The following ELMOD1 variants were observed in gnomAD, a reference collection of about 807,000 sequenced individuals.
The protein encoded by ELMOD1 is ELMO domain-containing protein 1.
In ELMOD1, 21 loss-of-function variants were observed where a neutral mutation model predicts 46.7. That is an observed-to-expected ratio of 0.45 (90% CI 0.32 to 0.65). The LOEUF is 0.65. Among genes scored for constraint, ELMOD1 ranks in the 30% least tolerant of loss-of-function variants. ELMOD1 has a pLI of 0.04. For missense variants in ELMOD1, 348 were observed against 407.8 expected (o/e 0.85, Z 1.26); for synonymous variants, 122 against 138.2 (o/e 0.88, Z 0.82).
intron 11 of ELMOD1, among the ~76,000 whole-genome samples, chr11:107,663,046 A>C (rs957610449): frequency 2.0e-5 from 3 of 152,052 alleles, no homozygotes; most frequent in African/African-American, 7.2e-5. Context: ...AGCTTTTAAG[A>C]ATCAGGTTCC....
intron 2 of ELMOD1, among the ~76,000 whole-genome samples, chr11:107,624,278 T>C (rs1866003880): frequency 6.6e-6 from 1 of 152,238 alleles, no homozygotes. Flanking sequence ...TAATGTGTTA[T>C]AATGTGTTCA....
chr11:107,630,392 G>A, intron 2 of ELMOD1, 25 bp from the exon 3 acceptor site: 1 of 1,572,320 alleles, frequency 6.4e-7, no homozygotes. Context: ...TCTATTGGAA[G>A]GGTGCTGTGT....
chr11:107,643,388 A>C, intron 6 of ELMOD1: 1 of 219,414 alleles, frequency 4.6e-6, no homozygotes, highest in South Asian at 6.6e-5. Context: ...AAAAAAAAGC[A>C]TGTGAAAATA....
intron 1 of ELMOD1, among the ~76,000 whole-genome samples, chr11:107,594,113 A>T (rs906532917): frequency 6.6e-6 from 1 of 151,870 alleles, no homozygotes; most frequent in Non-Finnish European, 1.5e-5. Flanking sequence ...CTGTGCCAGT[A>T]GTGTGTGTTT....
chr11:107,660,778 G>C lies in ELMOD1; in HGVS notation c.833-4247G>C, dbSNP rs148115349. On this transcript the variant is annotated intron_variant, in intron 11 of 11. Coordinates refer to ENST00000265840, the MANE Select transcript of ELMOD1 (RefSeq NM_018712.4). The stretch of plus-strand genomic sequence containing the variant: ...GCAATGAGATGGTGGAAAATAGCCT[G>C]GCCTCTGTTTTCTCCCTCTCCTTTC... Among the ~76,000 whole-genome samples, 931 of 152,336 alleles carry C rather than the reference G, an allele frequency of 6.1e-3. 18 individuals carry two copies. Among genetic ancestry groups the C allele is most frequent in the Admixed American group, 0.033 (511 of 15,300 alleles).
At chr11:107,631,812 A>G in intron 5 of ELMOD1, 135 bp downstream of exon 5, 1 of 514,222 alleles carries the variant, frequency 1.9e-6, no homozygotes, top group South Asian at 4.2e-5. Context: ...TGACTTTCAG[A>G]TGAGGAATAA....
At chr11:107,592,586 C>T (rs1591092478) in intron 1 of ELMOD1, 1 of 272,334 alleles carries the variant, frequency 3.7e-6, no homozygotes, top group East Asian at 8.9e-5. Context: ...GTCATTCCCT[C>T]CCCCAGAAGT....
chr11:107,600,119 A>G lies in ELMOD1; in HGVS notation c.-86+8710A>G, dbSNP rs549666348. Among the ~76,000 whole-genome samples the G allele has an allele frequency of 1.7e-4, 26 of 152,300 alleles. No individual in the cohort carries two copies. The South Asian group carries it at 2.7e-3, about 16-fold the overall frequency. On this transcript the variant is annotated intron_variant, in intron 1 of 11. Transcript: ENST00000265840. ...TGAATCCCAGTAATTAAAAATCATC[A>G]AATCATGACCAATGCTGTTTGATCT...
intron 11 of ELMOD1, among the ~76,000 whole-genome samples, chr11:107,662,234 C>T (rs1030696502): frequency 1.3e-5 from 2 of 152,202 alleles, no homozygotes; most frequent in African/African-American, 4.8e-5. Context: ...GCCTCAAACT[C>T]CTGGGCTCAA....
At chr11:107,631,996 T>C (rs1209587465) in intron 5 of ELMOD1, among the ~76,000 whole-genome samples, 1 of 152,214 alleles carries the variant, frequency 6.6e-6, no homozygotes, top group Non-Finnish European at 1.5e-5. Context: ...ACGCTAACAG[T>C]AAATGTTCAA....
intron 1 of ELMOD1, among the ~76,000 whole-genome samples, chr11:107,609,950 T>C (rs912619194): frequency 1.3e-5 from 2 of 152,186 alleles, no homozygotes; most frequent in Non-Finnish European, 2.9e-5. Flanking sequence ...TTTCTTCCAA[T>C]TGGGAGATTT....
chr11:107,627,795 G>C (rs977563934), intron 2 of ELMOD1, among the ~76,000 whole-genome samples: 1 of 152,134 alleles, frequency 6.6e-6, no homozygotes, highest in East Asian at 1.9e-4. Flanking sequence ...CATAAGGGTC[G>C]TCCTCTTCTC....
At chr11:107,624,416 T>C (rs1184000427) in intron 2 of ELMOD1, among the ~76,000 whole-genome samples, 1 of 152,280 alleles carries the variant, frequency 6.6e-6, no homozygotes, top group East Asian at 1.9e-4. Context: ...TTTGGGAGGC[T>C]GAGGCAGGCA....
intron 2 of ELMOD1, chr11:107,625,585 T>C (rs1866027629): frequency 1.0e-6 from 1 of 984,952 alleles, no homozygotes; most frequent in Non-Finnish European, 1.2e-6. Flanking sequence ...TTTAGGCGCA[T>C]TTCCTGTTTT....
intron 1 of ELMOD1, among the ~76,000 whole-genome samples, chr11:107,595,923 A>G (rs1865485437): frequency 6.6e-6 from 1 of 152,130 alleles, no homozygotes; most frequent in Admixed American, 6.5e-5. Flanking sequence ...ACTCTATATG[A>G]TATTTAAGAT....
intron 6 of ELMOD1, among the ~76,000 whole-genome samples, chr11:107,639,578 A>C (rs1866284659): frequency 3.3e-5 from 5 of 152,174 alleles, no homozygotes; most frequent in Admixed American, 3.3e-4. Flanking sequence ...TCGAGGGCAG[A>C]TGAATCGCCT....
At chr11:107,631,557 A>G in intron 4 of ELMOD1, 23 bp from the exon 5 acceptor site, 12 of 1,478,102 alleles carry the variant, frequency 8.1e-6, no homozygotes, top group Non-Finnish European at 1.1e-5. Context: ...TGAAAAGGAA[A>G]GTGATTAAAA....
chr11:107,639,108 C>T (rs1464216744), intron 6 of ELMOD1, among the ~76,000 whole-genome samples: 2 of 152,100 alleles, frequency 1.3e-5, no homozygotes, highest in Non-Finnish European at 2.9e-5. Flanking sequence ...TATGGTTGTA[C>T]CACTGTACTT....
intron 1 of ELMOD1, among the ~76,000 whole-genome samples, chr11:107,614,921 T>C (rs1865835855): frequency 6.6e-6 from 1 of 152,140 alleles, no homozygotes; most frequent in African/African-American, 2.4e-5. Context: ...CCCCAACCCC[T>C]ACATCTAGGC....
Sources: allele counts gnomAD v4.1 joint callset (sites outside exome capture counted in the v4.1 genomes callset), GRCh38; gene constraint gnomAD v4.1.1; transcripts MANE v1.5; gene names NCBI Gene and HGNC (gene_info 2026-07-23, HGNC 2026-07-21).